Variants in ROBO4 observed in about 807,000 individuals in gnomAD.
The protein encoded by ROBO4 is roundabout guidance receptor 4.
In ROBO4, 80 loss-of-function variants were observed where a neutral mutation model predicts 103.3. The observed-to-expected ratio is 0.77, with a 90% CI of 0.65 to 0.93. ROBO4 has a LOEUF of 0.93. Among genes scored for constraint, ROBO4 ranks in the 40% least tolerant of loss-of-function variants. The pLI is 0.00. For missense variants in ROBO4, 1,333 were observed against 1,305.3 expected (o/e 1.02, Z -0.33); for synonymous variants, 504 against 529.7 (o/e 0.95, Z 0.67).
At chr11:124,890,447 C>G (rs1946781756) in intron 12 of ROBO4, among the ~76,000 whole-genome samples, 1 of 152,182 alleles carries the variant, frequency 6.6e-6, no homozygotes, top group Non-Finnish European at 1.5e-5. Context: ...AAAAAATACT[C>G]AAAGAGAGAA....
chr11:124,897,037 C>T lies in ROBO4; in HGVS notation c.295G>A (p.Ala99Thr). 1 of 1,613,926 alleles carries T rather than the reference C, an allele frequency of 6.2e-7. No homozygotes were observed. Among genetic ancestry groups the T allele is most frequent in the Non-Finnish European group, 8.5e-7 (1 of 1,179,942 alleles). The change falls in exon 2 of 18, where the codon GCC becomes ACC. Residue 99 changes from alanine to threonine, a missense_variant. Transcript: ENST00000306534. ...LLLQPPARGHAHDGQALSTDL... is the reference protein window; with the variant it reads ...LLLQPPARGHTHDGQALSTDL... ...GTGGACAGGGCCTGGCCATCGTGGG[C>T]ATGTCCCCGGGCAGGGGGCTGTAGC...
chr11:124,888,547 G>A (rs1375336921), intron 12 of ROBO4, among the ~76,000 whole-genome samples: 2 of 152,216 alleles, frequency 1.3e-5, no homozygotes, highest in East Asian at 1.9e-4. Flanking sequence ...TCCCAGGGAC[G>A]CAATGCCCTG....
In ROBO4 at chr11:124,896,604, A is replaced by G. The variant is rs1946895060; in HGVS notation, c.467T>C (p.Leu156Pro). 9 of 1,614,136 alleles carry G rather than the reference A, an allele frequency of 5.6e-6. No homozygotes were observed. Among genetic ancestry groups the G allele is most frequent in the Non-Finnish European group, 7.6e-6 (9 of 1,180,002 alleles). The change falls in exon 3 of 18, where the codon CTG becomes CCG. Residue 156 changes from leucine (L) to proline (P), a missense_variant. Transcript: ENST00000306534. ...MVAVVGEQFT[L>P]ECGPPWGHPE... ...GTGGCCCCAGGGCGGCCCACATTCCAGAGTAAACTGCTCACCCACCACAGC... is the reference window on the plus strand; with the variant it reads ...GTGGCCCCAGGGCGGCCCACATTCCGGAGTAAACTGCTCACCCACCACAGC...
rs199554824 is a variant in ROBO4, at chr11:124,887,784, G to A, written c.2005C>T (p.Arg669Trp). Residue 669 changes from arginine to tryptophan, a missense_variant, in exon 13 of 18, where the codon CGG becomes TGG. Physicochemically the swap from Arg to Trp is moderately radical, Grantham distance 101. Coordinates refer to ENST00000306534, the MANE Select transcript of ROBO4 (RefSeq NM_019055.6). ...LLRGSHSLEL[R>W]ACELGNRGSK... The stretch of plus-strand genomic sequence containing the variant: ...CCTCTATTTCCTAACTCACAGGCCC[G>A]GAGCTCCAAGGAGTGGCTGCCCCGG... 323 of 1,613,842 alleles carry A rather than the reference G, an allele frequency of 2.0e-4. 2 individuals carry two copies. The highest frequency in any genetic ancestry group is 7.7e-5 in the South Asian group (7 of 91,068).
At chr11:124,896,468 T>C in intron 3 of ROBO4, 45 bp downstream of exon 3, 1 of 1,604,342 alleles carries the variant, frequency 6.2e-7, no homozygotes, top group South Asian at 1.1e-5. Flanking sequence ...TGTACCCAGG[T>C]CTGCCCAGGC....
At position 124,894,010 on chromosome 11, in the gene ROBO4, C is replaced by T. The variant is rs758299685; in HGVS notation, c.1354G>A (p.Glu452Lys). 36 of 1,564,462 alleles carry T rather than the reference C, an allele frequency of 2.3e-5. 2 individuals are homozygous for T. In the South Asian group the frequency reaches 3.1e-4, roughly 13 times the overall value. Residue 452 changes from glutamate (E) to lysine (K), a missense_variant, in exon 9 of 18, where the codon GAG (glutamate) becomes AAG (lysine). By Grantham distance (56) the Glu-to-Lys change is moderately conservative (BLOSUM62 1). Coordinates refer to ENST00000306534, the MANE Select transcript of ROBO4 (RefSeq NM_019055.6). ...AMERATQEPS[E>K]HGPWTLEQLR... ...TGCTCCAGGGTCCAGGGACCATGCT[C>T]ACTGGGTTCTTGGGTGGCTCGCTCC...
At position 124,887,133 on chromosome 11, in the gene ROBO4, G is replaced by A. The variant is rs146276743; in HGVS notation, c.2279C>T (p.Pro760Leu). The A allele has an allele frequency of 4.9e-3, 7,904 of 1,613,338 alleles. 45 individuals are homozygous for A. Among genetic ancestry groups the A allele is most frequent in the South Asian group, 0.017 (1,541 of 91,012 alleles). The change falls in exon 15 of 18, where the codon CCT becomes CTT. Residue 760 changes from proline to leucine, a missense_variant. Coordinates refer to ENST00000306534, the MANE Select transcript of ROBO4 (RefSeq NM_019055.6). The stretch of plus-strand genomic sequence containing the variant: ...AGAGAGGGAAGAGGCCTGGGGGCTA[G>A]GGGGACTGCAGGGGCTAAGGATGGG... ...PIPILSPCSP[P>L]SPQASSLSGP...
chr11:124,897,575 C>T, intron 1 of ROBO4, 151 bp downstream of exon 1: 1 of 663,430 alleles, frequency 1.5e-6, no homozygotes, highest in Non-Finnish European at 2.7e-6. Context: ...TGCACAAACA[C>T]ACATACACTT....
In ROBO4 at chr11:124,895,204, G is replaced by A. The variant is rs749812322; in HGVS notation, c.1037-11C>T. On this transcript the variant is annotated splice_polypyrimidine_tract_variant and intron_variant, in intron 6 of 17. Transcript: ENST00000306534. Reference sequence around the variant, plus strand: ...GTGGGGCACTGGGCACTGGAGGGGTGGAAGAGAGACTATGAGGGGCTCTGA... The same window carrying A: ...GTGGGGCACTGGGCACTGGAGGGGTAGAAGAGAGACTATGAGGGGCTCTGA... 7 of 1,599,658 alleles carry A rather than the reference G, an allele frequency of 4.4e-6. No homozygotes were observed. The highest frequency in any genetic ancestry group is 3.3e-5 in the Admixed American group (2 of 59,896).
Position 124,897,776 on chromosome 11 carries a change from C to T in ROBO4, c.20G>A (p.Ser7Asn). Reference sequence around the variant, plus strand: ...CAGGGAACCCCTGCCCCCCAGGAGGCTGTCTCCTCCAGAGCCCATGGCTAC... The same window carrying T: ...CAGGGAACCCCTGCCCCCCAGGAGGTTGTCTCCTCCAGAGCCCATGGCTAC... MGSGGDSLLGGRGSLPL... is the reference protein window; with the variant it reads MGSGGDNLLGGRGSLPL... The change falls in exon 1 of 18, where the codon AGC becomes AAC. Residue 7 changes from serine (S) to asparagine (N), a missense_variant. Ser to Asn is a conservative substitution (Grantham distance 46, BLOSUM62 1). Transcript: ENST00000306534. The T allele has an allele frequency of 6.2e-7, 1 of 1,613,764 alleles. No homozygotes were observed. Among genetic ancestry groups the T allele is most frequent in the Non-Finnish European group, 8.5e-7 (1 of 1,179,806 alleles).
intron 4 of ROBO4, 58 bp downstream of exon 4, chr11:124,896,140 C>A: frequency 6.3e-7 from 1 of 1,598,454 alleles, no homozygotes; most frequent in Non-Finnish European, 8.5e-7. Context: ...AACCAGAATA[C>A]ACCACCCCAA....
At chr11:124,897,560 G>A (rs1041909236) in intron 1 of ROBO4, 166 bp downstream of exon 1, 15 of 608,984 alleles carry the variant, frequency 2.5e-5, no homozygotes, top group Non-Finnish European at 3.3e-5. Context: ...TGGTGTGTGC[G>A]CACATGCACA....
At chr11:124,891,910 T>A in intron 10 of ROBO4, 108 bp from the exon 11 acceptor site, 1 of 1,276,268 alleles carries the variant, frequency 7.8e-7, no homozygotes, top group Non-Finnish European at 1.1e-6. Flanking sequence ...AAGGAGATGG[T>A]GGCTTTATCC....
At position 124,894,030 on chromosome 11, in the gene ROBO4, C is replaced by T. The variant is rs777716177; in HGVS notation, c.1334G>A (p.Arg445Gln). 1.3e-5 allele frequency: 20 copies of T among 1,550,686 alleles called. No individual in the cohort carries two copies. Among genetic ancestry groups the T allele is most frequent in the East Asian group, 6.8e-5 (3 of 44,260 alleles). ...VCLLLEQAMERATQEPSEHGP... is the reference protein window; with the variant it reads ...VCLLLEQAMEQATQEPSEHGP... The stretch of plus-strand genomic sequence containing the variant: ...ATGCTCACTGGGTTCTTGGGTGGCT[C>T]GCTCCATGGCCTGCTCTGTATGGGA... The change falls in exon 9 of 18, where the codon CGA (arginine) becomes CAA (glutamine). Residue 445 changes from arginine to glutamine, a missense_variant. Coordinates refer to ENST00000306534, the MANE Select transcript of ROBO4 (RefSeq NM_019055.6).
chr11:124,896,376 G>C, intron 3 of ROBO4, 58 bp from the exon 4 acceptor site: 1 of 1,605,974 alleles, frequency 6.2e-7, no homozygotes, highest in East Asian at 2.2e-5. Context: ...CTGAGCTGGG[G>C]GGAAGTTTGA....
chr11:124,896,696 G>A (rs1946897686), intron 2 of ROBO4, 26 bp from the exon 3 acceptor site: 2 of 1,609,590 alleles, frequency 1.2e-6, no homozygotes, highest in Admixed American at 1.7e-5. Flanking sequence ...AAGGTGACAC[G>A]GAGCAGGGCC....
chr11:124,896,668 G>A lies in ROBO4; in HGVS notation c.403C>T (p.Leu135Phe). Reference protein sequence around the residue: ...SRGARLSVAVLREDFQIQPRD... With the variant: ...SRGARLSVAVFREDFQIQPRD... ...GGCTGGATCTGGAAATCCTCCCGGA[G>A]GACTGTGGGGAGGATGGAAGGTGAC... The change falls in exon 3 of 18, where the codon CTC becomes TTC. Residue 135 changes from leucine (L) to phenylalanine (F), a missense_variant and splice_region_variant. By Grantham distance (22) the Leu-to-Phe change is conservative. Transcript: ENST00000306534. 1 of 1,613,864 alleles carries A rather than the reference G, an allele frequency of 6.2e-7. No homozygotes were observed. Among genetic ancestry groups the A allele is most frequent in the Non-Finnish European group, 8.5e-7 (1 of 1,179,874 alleles).
chr11:124,886,400 T>G, intron 16 of ROBO4, 64 bp downstream of exon 16: 2 of 1,248,298 alleles, frequency 1.6e-6, no homozygotes, highest in Admixed American at 2.0e-5. Context: ...AATGATGACA[T>G]GATAACAGTT....
intron 2 of ROBO4, 130 bp from the exon 3 acceptor site, chr11:124,896,800 C>T (rs532224068): frequency 7.9e-6 from 12 of 1,510,590 alleles, no homozygotes; most frequent in East Asian, 2.4e-5. Flanking sequence ...CCCAGCTTGC[C>T]CTCCCAAGCC....
Sources: allele counts gnomAD v4.1 joint callset (sites outside exome capture counted in the v4.1 genomes callset), GRCh38; gene constraint gnomAD v4.1.1; transcripts MANE v1.5; gene names NCBI Gene and HGNC (gene_info 2026-07-23, HGNC 2026-07-21).